The following SNTG1 variants were observed in gnomAD, a reference collection of about 807,000 sequenced individuals.
SNTG1 encodes the protein syntrophin gamma 1, also known as gamma-1-syntrophin.
A neutral mutation model predicts 74.7 loss-of-function variants in SNTG1; 39 were observed. That is an observed-to-expected ratio of 0.52 (90% confidence interval 0.40 to 0.68). SNTG1 has a LOEUF of 0.68. SNTG1 is among the 30% of genes least tolerant of loss of function. The probability of loss-of-function intolerance (pLI) is 0.00; values close to 1 mark genes in which losing one functional copy is unlikely to be tolerated. For missense variants in SNTG1, 685 were observed against 609.5 expected (o/e 1.12, Z -1.30); for synonymous variants, 254 against 217.1 (o/e 1.17, Z -1.49).
At chr8:50,619,865 T>C (rs1166123322) in intron 13 of SNTG1, among the ~76,000 whole-genome samples, 2 of 150,334 alleles carry the variant, frequency 1.3e-5, no homozygotes, top group East Asian at 3.9e-4. Flanking sequence ...CTATTTGAAA[T>C]ATATTGGCTT....
At chr8:50,319,885 T>C (rs185046333) in intron 2 of SNTG1, among the ~76,000 whole-genome samples, 3 of 152,342 alleles carry the variant, frequency 2.0e-5, no homozygotes, top group Admixed American at 6.5e-5. Context: ...ATGAATGATC[T>C]CTTTAAGATA....
At chr8:50,343,799 A>G (rs1008639702) in intron 2 of SNTG1, among the ~76,000 whole-genome samples, 68 of 152,364 alleles carry the variant, frequency 4.5e-4, no homozygotes, top group African/African-American at 1.6e-3. Context: ...TTTGAAATAA[A>G]AAAATAGTAA....
At chr8:49,927,242 C>T (rs1267260468) in intron 1 of SNTG1, among the ~76,000 whole-genome samples, 2 of 152,110 alleles carry the variant, frequency 1.3e-5, no homozygotes, top group African/African-American at 2.4e-5. Context: ...CTAGCAATCA[C>T]ACTTGTTGTT....
chr8:50,303,149 T>C lies in SNTG1; in HGVS notation c.-27-91063T>C, dbSNP rs185214583. 3.7e-3 allele frequency among the ~76,000 whole-genome samples: 559 copies of C among 152,310 alleles called. 6 individuals carry two copies. The highest frequency in any genetic ancestry group is 0.012 in the African/African-American group (509 of 41,570). On this transcript the variant is annotated intron_variant, in intron 2 of 18. Transcript: ENST00000642720. ...TCTGTAAATACGTTAGTAGCATTTC[T>C]ATGGTCTCTAAGACGAGGACTTTTT...
Position 50,315,628 on chromosome 8 carries a change from T to C in SNTG1, c.-27-78584T>C, listed in dbSNP as rs908522087. ...TCAATAAAGCAGAAAACCTGCAGTG[T>C]AGAACTAAAATGAAGCATACTTCAA... is the stretch of plus-strand genomic sequence containing the variant. On this transcript the variant is annotated intron_variant, in intron 2 of 18. Coordinates refer to ENST00000642720, the MANE Select transcript of SNTG1 (RefSeq NM_018967.5). 1.4e-4 allele frequency among the ~76,000 whole-genome samples: 21 copies of C among 150,050 alleles called. 1 individual carries two copies. Among genetic ancestry groups the C allele is most frequent in the Admixed American group, 6.7e-4 (10 of 14,886 alleles).
At chr8:50,522,573 C>CT (rs2094188241) in intron 9 of SNTG1, among the ~76,000 whole-genome samples, 1 of 142,820 alleles carries the variant, frequency 7.0e-6, no homozygotes, top group African/African-American at 2.7e-5. Context: ...CATTGACTTC[C>CT]TTCCTTTTTT....
chr8:50,196,814 A>G (rs1316871818), intron 2 of SNTG1, among the ~76,000 whole-genome samples: 1 of 151,512 alleles, frequency 6.6e-6, no homozygotes, highest in Non-Finnish European at 1.5e-5. Flanking sequence ...AAAAAAAAAA[A>G]ACAAAAAAAA....
intron 13 of SNTG1, among the ~76,000 whole-genome samples, chr8:50,593,967 C>T (rs1477140157): frequency 6.6e-6 from 1 of 152,180 alleles, no homozygotes; most frequent in Non-Finnish European, 1.5e-5. Flanking sequence ...ATCTGCCTGC[C>T]TTGGCCTCCC....
intron 2 of SNTG1, among the ~76,000 whole-genome samples, chr8:50,374,565 T>C (rs186556862): frequency 3.0e-4 from 45 of 152,314 alleles, no homozygotes; most frequent in Admixed American, 2.0e-3. Context: ...ACCCAGTTCA[T>C]AGGGACAATT....
chr8:50,719,421 C>T (rs1170240119), intron 17 of SNTG1, among the ~76,000 whole-genome samples: 1 of 152,166 alleles, frequency 6.6e-6, no homozygotes, highest in Non-Finnish European at 1.5e-5. Context: ...TCACCAGACA[C>T]CAAATCTGCC....
chr8:49,972,947 T>A (rs187567630), intron 1 of SNTG1, among the ~76,000 whole-genome samples: 6,631 of 152,244 alleles, frequency 0.044, 491 homozygotes, highest in African/African-American at 0.15. Flanking sequence ...ATTGTGGAAG[T>A]TGGTGTGGCG....
chr8:49,982,937 A>G (rs1812820854), intron 1 of SNTG1, among the ~76,000 whole-genome samples: 1 of 152,208 alleles, frequency 6.6e-6, no homozygotes, highest in South Asian at 2.1e-4. Flanking sequence ...AAAGTTATTG[A>G]TTTTTAAAAA....
chr8:50,499,800 G>A (rs138561709), intron 8 of SNTG1, among the ~76,000 whole-genome samples: 6 of 151,866 alleles, frequency 4.0e-5, no homozygotes, highest in South Asian at 2.1e-4. Context: ...TTTTTATGTG[G>A]TTAATTACAC....
chr8:50,335,835 A>ATTTTATTTTG (rs1205153843), intron 2 of SNTG1, among the ~76,000 whole-genome samples: 2 of 150,170 alleles, frequency 1.3e-5, no homozygotes, highest in East Asian at 3.9e-4. Context: ...ATTTTATTTT[A>ATTTTATTTTG]TTTTATTTTA....
At chr8:49,975,455 C>T (rs539517749) in intron 1 of SNTG1, among the ~76,000 whole-genome samples, 2 of 152,308 alleles carry the variant, frequency 1.3e-5, no homozygotes, top group East Asian at 3.9e-4. Context: ...ACAACATGCA[C>T]AGCAGCGCTT....
chr8:50,466,082 A>T (rs554838795), intron 8 of SNTG1, among the ~76,000 whole-genome samples: 2 of 152,214 alleles, frequency 1.3e-5, no homozygotes, highest in East Asian at 3.9e-4. Context: ...GTTGCCCTAC[A>T]TGCATGCCAA....
intron 1 of SNTG1, among the ~76,000 whole-genome samples, chr8:50,019,495 A>G (rs1816629990): frequency 6.6e-6 from 1 of 152,088 alleles, no homozygotes; most frequent in African/African-American, 2.4e-5. Flanking sequence ...AAAGTCTCTT[A>G]GTTTATCTTG....
intron 12 of SNTG1, among the ~76,000 whole-genome samples, chr8:50,582,984 A>C (rs148034006): frequency 1.2e-4 from 18 of 152,282 alleles, no homozygotes; most frequent in Middle Eastern, 3.4e-3. Context: ...AAATGAAATA[A>C]ACTGATATTT....
At chr8:50,531,097 T>C (rs1425392474) in intron 10 of SNTG1, among the ~76,000 whole-genome samples, 1 of 152,202 alleles carries the variant, frequency 6.6e-6, no homozygotes, top group Non-Finnish European at 1.5e-5. Context: ...GTCAAAATAG[T>C]GGCATTTTAC....
Sources: gnomAD v4.1 joint callset for allele counts (sites outside exome capture counted in the v4.1 genomes callset) on GRCh38, gnomAD v4.1.1 for gene constraint, MANE v1.5 for transcripts, NCBI Gene and HGNC (gene_info 2026-07-23, HGNC 2026-07-21) for gene names.